AFG2A: variants seen among roughly 807,000 people sequenced by gnomAD.
AFG2A encodes the protein ATPase family gene 2 protein homolog A.
the AFG2A span, among the ~76,000 whole-genome samples, chr4:123,235,834 T>C: frequency 6.6e-6 from 1 of 152,222 alleles, no homozygotes; most frequent in African/African-American, 2.4e-5. Flanking sequence ...ATTTTAAACT[T>C]TTTGTTATAA....
chr4:123,274,321 G>A, the AFG2A span, among the ~76,000 whole-genome samples: 38 of 151,636 alleles, frequency 2.5e-4, no homozygotes, highest in Non-Finnish European at 4.0e-4. Context: ...ATGAAAGACC[G>A]AATGCATACA....
At chr4:123,090,435 GTAAA>G in the AFG2A span, 1 of 842,954 alleles carries the variant, frequency 1.2e-6, no homozygotes, top group Non-Finnish European at 1.7e-6. Flanking sequence ...TGATAATGCA[GTAAA>G]TAAAGTCTCA....
At chr4:123,028,329 G>C in the AFG2A span, 1 of 1,614,130 alleles carries the variant, frequency 6.2e-7, no homozygotes, top group Non-Finnish European at 8.5e-7. Flanking sequence ...GGCCACCTGG[G>C]TGCTCTAAAA....
At chr4:123,272,681 G>T in the AFG2A span, among the ~76,000 whole-genome samples, 1 of 152,186 alleles carries the variant, frequency 6.6e-6, no homozygotes, top group African/African-American at 2.4e-5. Flanking sequence ...CTGGTCATCA[G>T]TGACTTCATT....
chr4:123,137,107 G>C, the AFG2A span, among the ~76,000 whole-genome samples: 1 of 152,144 alleles, frequency 6.6e-6, no homozygotes, highest in African/African-American at 2.4e-5. Flanking sequence ...CTATGAGTGC[G>C]CATCTAACGG....
chr4:123,171,718 CAA>C, the AFG2A span, among the ~76,000 whole-genome samples: 1 of 152,038 alleles, frequency 6.6e-6, no homozygotes, highest in African/African-American at 2.4e-5. Flanking sequence ...AGAAAGCTCT[CAA>C]TATTTAAATT....
the AFG2A span, among the ~76,000 whole-genome samples, chr4:123,131,787 G>A: frequency 6.6e-6 from 1 of 152,048 alleles, no homozygotes; most frequent in Non-Finnish European, 1.5e-5. Context: ...TTACAAACAT[G>A]GTGTGTGAAT....
At chr4:122,953,661 C>T in the AFG2A span, among the ~76,000 whole-genome samples, 1 of 152,240 alleles carries the variant, frequency 6.6e-6, no homozygotes, top group African/African-American at 2.4e-5. Context: ...GCTTCTGCCA[C>T]AGTCTGACCA....
the AFG2A span, among the ~76,000 whole-genome samples, chr4:123,262,102 T>A: frequency 6.6e-6 from 1 of 152,172 alleles, no homozygotes; most frequent in African/African-American, 2.4e-5. Context: ...TATGAGCAGC[T>A]GCCTCATCTC....
chr4:123,175,676 T>C, the AFG2A span, among the ~76,000 whole-genome samples: 120 of 152,328 alleles, frequency 7.9e-4, no homozygotes, highest in African/African-American at 2.8e-3. Context: ...AGCTTGATAA[T>C]GTTGTGTATC....
At chr4:123,113,832 A>T in the AFG2A span, among the ~76,000 whole-genome samples, 4 of 152,172 alleles carry the variant, frequency 2.6e-5, no homozygotes, top group Non-Finnish European at 5.9e-5. Context: ...TTATTGAGTT[A>T]GAAAAGCTCA....
At chr4:123,172,535 T>C in the AFG2A span, among the ~76,000 whole-genome samples, 3 of 152,298 alleles carry the variant, frequency 2.0e-5, no homozygotes, top group South Asian at 4.1e-4. Flanking sequence ...TCCTATAATC[T>C]ATAGGCGAAA....
the AFG2A span, among the ~76,000 whole-genome samples, chr4:123,236,628 A>G: frequency 6.6e-6 from 1 of 152,196 alleles, no homozygotes; most frequent in East Asian, 1.9e-4. Context: ...TGAGAAAGCT[A>G]AGGCTTAAGA....
the AFG2A span, among the ~76,000 whole-genome samples, chr4:123,250,505 G>C: frequency 6.6e-6 from 1 of 152,142 alleles, no homozygotes; most frequent in African/African-American, 2.4e-5. Flanking sequence ...GCAGAGTTCA[G>C]GTGAACTCCC....
chr4:123,088,994 G>T, the AFG2A span, among the ~76,000 whole-genome samples: 3 of 152,138 alleles, frequency 2.0e-5, no homozygotes, highest in African/African-American at 7.2e-5. Flanking sequence ...CGGCAGAGTA[G>T]CTACCTGCAA....
the AFG2A span, among the ~76,000 whole-genome samples, chr4:123,255,845 ATTGT>A: frequency 2.0e-5 from 3 of 149,938 alleles, no homozygotes; most frequent in Non-Finnish European, 3.0e-5. Context: ...TACTCTTGAC[ATTGT>A]TTGTATCGGT....
the AFG2A span, among the ~76,000 whole-genome samples, chr4:122,994,654 A>G: frequency 3.3e-5 from 5 of 151,542 alleles, no homozygotes; most frequent in Non-Finnish European, 5.9e-5. Flanking sequence ...TTGGTTCACA[A>G]TGAGCTAATG....
the AFG2A span, among the ~76,000 whole-genome samples, chr4:123,109,318 G>A: frequency 2.0e-5 from 3 of 152,146 alleles, no homozygotes; most frequent in Non-Finnish European, 2.9e-5. Context: ...CTCTATGCCT[G>A]TGTTTAGAAA....
the AFG2A span, among the ~76,000 whole-genome samples, chr4:123,040,158 C>T: frequency 1.5e-4 from 23 of 151,898 alleles, no homozygotes; most frequent in African/African-American, 3.9e-4. Flanking sequence ...TGGACATGTA[C>T]GCTTCAACAT....
Sources: gnomAD v4.1 joint callset for allele counts (sites outside exome capture counted in the v4.1 genomes callset) on GRCh38, gnomAD v4.1.1 for gene constraint, MANE v1.5 for transcripts, NCBI Gene and HGNC (gene_info 2026-07-23, HGNC 2026-07-21) for gene names.